The following KAZN variants were observed in gnomAD, a reference collection of about 807,000 sequenced individuals.
KAZN encodes kazrin, periplakin interacting protein.
Under a neutral mutation model 87.4 loss-of-function variants are expected in KAZN, and 40 were observed. That is an observed-to-expected ratio of 0.46 (90% CI 0.36 to 0.60). The LOEUF is 0.60. Ranked by LOEUF, KAZN falls within the 20% of genes least tolerant of loss-of-function variation. The pLI is 0.00. For synonymous variants in KAZN, 466 were observed against 458.3 expected (o/e 1.02, Z -0.22); for missense variants, 898 against 1,073.9 (o/e 0.84, Z 2.29).
chr1:14,594,607 G>C (rs1188176114), upstream of KAZN, among the ~76,000 whole-genome samples: 1 of 152,178 alleles, frequency 6.6e-6, no homozygotes, highest in Non-Finnish European at 1.5e-5. Flanking sequence ...ACTGGGGTGT[G>C]AGATTGGGAC....
rs1665246124 is a variant in KAZN at position 14,973,076 on chromosome 1, G to A, written c.418+12201G>A. 2.6e-5 allele frequency among the ~76,000 whole-genome samples: 4 copies of A among 152,084 alleles called. 1 individual carries two copies. In the South Asian group the frequency reaches 8.3e-4, roughly 32 times the overall value. On this transcript the variant is annotated intron_variant, in intron 2 of 14. Coordinates refer to ENST00000376030, the MANE Select transcript of KAZN (RefSeq NM_201628.3). ...CTGCCTTTACAGTTGGGGAAACTGA[G>A]GCTCCAAGATCGTACAGCATGCGAG... is the stretch of plus-strand genomic sequence containing the variant.
chr1:14,987,717 G>A (rs1051437162), intron 2 of KAZN, among the ~76,000 whole-genome samples: 2 of 152,308 alleles, frequency 1.3e-5, no homozygotes, highest in African/African-American at 2.4e-5. Flanking sequence ...GGGGCTCTGC[G>A]GTCCTGGGTA....
chr1:14,759,186 G>T (rs115873255), intron 1 of KAZN, among the ~76,000 whole-genome samples: 111 of 152,268 alleles, frequency 7.3e-4, no homozygotes, highest in African/African-American at 2.4e-3. Context: ...GCAGGAGCTC[G>T]CGTTCCTATC....
chr1:14,380,941 A>AAC (rs1661314697), intron 2 of KAZN, among the ~76,000 whole-genome samples: 1 of 152,220 alleles, frequency 6.6e-6, no homozygotes, highest in African/African-American at 2.4e-5. Flanking sequence ...CAAACTTTCA[A>AAC]ACATCAAGGA....
chr1:14,419,643 A>T (rs149788545), intron 2 of KAZN, among the ~76,000 whole-genome samples: 1 of 151,816 alleles, frequency 6.6e-6, no homozygotes, highest in African/African-American at 2.4e-5. Context: ...GTTCCTTCTG[A>T]TTTTCGGATG....
chr1:13,927,950 T>C (rs1362293655), intron 1 of KAZN, among the ~76,000 whole-genome samples: 1 of 152,068 alleles, frequency 6.6e-6, no homozygotes, highest in Non-Finnish European at 1.5e-5. Context: ...GATTCTATGG[T>C]GGGAACAAGC....
At chr1:14,148,951 C>T (rs553297980) in intron 1 of KAZN, among the ~76,000 whole-genome samples, 148 of 152,134 alleles carry the variant, frequency 9.7e-4, no homozygotes, top group African/African-American at 3.4e-3. Flanking sequence ...TTGGTCTTGT[C>T]GGGTAAAGAC....
chr1:14,549,891 A>AT (rs1254963875), intron 2 of KAZN, among the ~76,000 whole-genome samples: 1 of 151,984 alleles, frequency 6.6e-6, no homozygotes, highest in African/African-American at 2.4e-5. Flanking sequence ...CTCTTTCTTT[A>AT]TTTTTGGTCC....
At chr1:14,388,348 G>T (rs919125410) in intron 2 of KAZN, among the ~76,000 whole-genome samples, 7 of 152,114 alleles carry the variant, frequency 4.6e-5, no homozygotes, top group African/African-American at 1.7e-4. Flanking sequence ...CCCCCTAGAA[G>T]AAACAATTCT....
chr1:15,027,724 CCCT>C (rs1671316949), intron 2 of KAZN, among the ~76,000 whole-genome samples: 1 of 152,330 alleles, frequency 6.6e-6, no homozygotes, highest in East Asian at 1.9e-4. Flanking sequence ...ACCGATTCCT[CCCT>C]CCTCACCTCT....
chr1:14,743,930 A>G (rs920724011), intron 1 of KAZN, among the ~76,000 whole-genome samples: 2 of 152,184 alleles, frequency 1.3e-5, no homozygotes, highest in South Asian at 2.1e-4. Flanking sequence ...AACTGCAGAC[A>G]CCAAGAATGA....
At chr1:14,511,556 TCACAA>T (rs1445822183) in intron 2 of KAZN, among the ~76,000 whole-genome samples, 1 of 152,154 alleles carries the variant, frequency 6.6e-6, no homozygotes, top group Non-Finnish European at 1.5e-5. Context: ...GAAGAAATAA[TCACAA>T]CACATTTATC....
intron 1 of KAZN, among the ~76,000 whole-genome samples, chr1:13,964,921 C>T (rs925822254): frequency 6.6e-6 from 1 of 152,122 alleles, no homozygotes; most frequent in Non-Finnish European, 1.5e-5. Context: ...TGGACAAAGA[C>T]TCGAAGCAGA....
chr1:14,837,229 G>A lies in KAZN; in HGVS notation c.227-123455G>A, dbSNP rs7541349. ...GCTGCTGTTTTTGAGACTGAGTTTC[G>A]CTGTTGTTGCCCAGGCTGGAGTGCA... On this transcript the variant is annotated intron_variant, in intron 1 of 14. Transcript: ENST00000376030. Among the ~76,000 whole-genome samples, 241 of 152,154 alleles carry A rather than the reference G, an allele frequency of 1.6e-3. 1 individual carries two copies. Among genetic ancestry groups the A allele is most frequent in the African/African-American group, 5.3e-3 (220 of 41,500 alleles).
intron 2 of KAZN, among the ~76,000 whole-genome samples, chr1:15,003,005 T>TAC (rs113317563): frequency 0.37 from 48,519 of 131,270 alleles, 8,120 homozygotes; most frequent in African/African-American, 0.42. Context: ...AAAATAAACG[T>TAC]ACACACACAC....
At chr1:14,799,948 A>T (rs1215973891) in intron 1 of KAZN, among the ~76,000 whole-genome samples, 2 of 152,204 alleles carry the variant, frequency 1.3e-5, no homozygotes, top group Non-Finnish European at 2.9e-5. Flanking sequence ...CGAAGGCCAT[A>T]TCAAAGTTAT....
intron 2 of KAZN, among the ~76,000 whole-genome samples, chr1:14,505,036 G>C (rs1174343830): frequency 6.6e-6 from 1 of 152,106 alleles, no homozygotes; most frequent in African/African-American, 2.4e-5. Context: ...AGGGAACTAG[G>C]GATGCCTTCT....
At chr1:14,249,674 G>C (rs760177922) in intron 2 of KAZN, among the ~76,000 whole-genome samples, 6 of 152,196 alleles carry the variant, frequency 3.9e-5, no homozygotes, top group Non-Finnish European at 5.9e-5. Context: ...TCCCAGGCCT[G>C]TCTGCTGTTC....
At chr1:14,387,374 A>C (rs1290680397) in intron 2 of KAZN, among the ~76,000 whole-genome samples, 1 of 152,148 alleles carries the variant, frequency 6.6e-6, no homozygotes, top group Non-Finnish European at 1.5e-5. Flanking sequence ...GTTCCTTTGG[A>C]GGAGGAGAGG....
Sources: allele counts gnomAD v4.1 joint callset (sites outside exome capture counted in the v4.1 genomes callset), GRCh38; gene constraint gnomAD v4.1.1; transcripts MANE v1.5; gene names NCBI Gene and HGNC (gene_info 2026-07-23, HGNC 2026-07-21).